DCDC1: variants seen among roughly 807,000 people sequenced by gnomAD.
The protein encoded by DCDC1 is doublecortin domain-containing protein 1.
In DCDC1, 200 loss-of-function variants were observed where a neutral mutation model predicts 178.3. The ratio of observed to expected loss-of-function variants is 1.12; its 90% confidence interval spans 1.00 to 1.26. The LOEUF (loss-of-function observed/expected upper bound fraction) is 1.26, where lower values mean the gene tolerates loss of function less well. DCDC1 is among the 50% of genes most tolerant of loss of function. The pLI, the probability that DCDC1 is intolerant of heterozygous loss-of-function variation, is 0.00. For missense variants in DCDC1, 1,983 were observed against 1,749.2 expected, an observed-to-expected ratio of 1.13 and a Z score of -2.38; for synonymous variants, 690 against 604.8, an observed-to-expected ratio of 1.14 and a Z score of -2.07.
Position 31,048,375 on chromosome 11 carries a change from T to C in DCDC1, c.2591+16094A>G, listed in dbSNP as rs78291420. ...TGGGAGTTAAAGATTTAAATCCTGA[T>C]ACGAAATTCACCAAATTAAAATCTA... On this transcript the variant is annotated intron_variant, in intron 20 of 38. Transcript: ENST00000684477. Among the ~76,000 whole-genome samples, 1,413 of 152,310 alleles carry C rather than the reference T, an allele frequency of 9.3e-3. 12 individuals carry two copies. The highest frequency in any genetic ancestry group is 0.012 in the Non-Finnish European group (794 of 68,036).
intron 1 of DCDC1, among the ~76,000 whole-genome samples, chr11:31,365,923 C>T (rs1293274572): frequency 6.6e-6 from 1 of 152,124 alleles, no homozygotes; most frequent in Admixed American, 6.6e-5. Flanking sequence ...CTGTCATTTG[C>T]TCTCTTTGGA....
At chr11:30,988,394 A>G (rs566444915) in intron 20 of DCDC1, among the ~76,000 whole-genome samples, 16 of 152,088 alleles carry the variant, frequency 1.1e-4, no homozygotes, top group African/African-American at 3.1e-4. Context: ...GAAAAGAGGG[A>G]AAATTCCCAG....
intron 3 of DCDC1, among the ~76,000 whole-genome samples, chr11:31,309,824 C>G (rs1273765434): frequency 1.8e-4 from 28 of 152,072 alleles, no homozygotes. Context: ...CATGTTATAT[C>G]CTCAATTCTA....
chr11:31,071,401 T>C (rs1565246577), intron 18 of DCDC1, among the ~76,000 whole-genome samples: 1 of 152,150 alleles, frequency 6.6e-6, no homozygotes, highest in South Asian at 2.1e-4. Flanking sequence ...TTGCTGTAAG[T>C]GAAATTTCTG....
chr11:30,883,434 A>C (rs777850329), intron 36 of DCDC1: 4 of 451,160 alleles, frequency 8.9e-6, no homozygotes, highest in Non-Finnish European at 4.5e-6. Flanking sequence ...TCTAGAATAC[A>C]TTAACCTTAA....
chr11:31,168,166 C>A (rs1283370012), intron 9 of DCDC1, among the ~76,000 whole-genome samples: 1 of 152,134 alleles, frequency 6.6e-6, no homozygotes, highest in Non-Finnish European at 1.5e-5. Flanking sequence ...ATTTGATGTA[C>A]CCACTCTCTA....
At chr11:30,893,022 TTG>T in intron 35 of DCDC1, 25 bp from the exon 36 acceptor site, 1 of 1,612,080 alleles carries the variant, frequency 6.2e-7, no homozygotes, top group Non-Finnish European at 8.5e-7. Flanking sequence ...CCAGAGAATG[TTG>T]TGTTTAGAGA....
Position 30,903,610 on chromosome 11 carries a change from G to C in DCDC1, c.4382C>G (p.Pro1461Arg), listed in dbSNP as rs766822922. The change falls in exon 32 of 39, where the codon CCA becomes CGA. Residue 1461 changes from proline to arginine, a missense_variant. By Grantham distance (103) the Pro-to-Arg change is moderately radical. Coordinates refer to ENST00000684477, the MANE Select transcript of DCDC1 (RefSeq NM_001387274.1). ...AACCAAATCACGCAAGGTAAAGATT[G>C]GGGTTCCATCTTTGGTATATACTTT... is the stretch of plus-strand genomic sequence containing the variant. ...ASKVYTKDGT[P>R]IFTLRDLVLW... The C allele has an allele frequency of 6.2e-7, 1 of 1,611,278 alleles. No individual in the cohort carries two copies. Among genetic ancestry groups the C allele is most frequent in the South Asian group, 1.1e-5 (1 of 90,332 alleles).
chr11:31,208,149 A>G (rs1972084568), intron 9 of DCDC1, among the ~76,000 whole-genome samples: 1 of 152,178 alleles, frequency 6.6e-6, no homozygotes, highest in African/African-American at 2.4e-5. Flanking sequence ...TAATAGTTAT[A>G]TATTAAACTT....
intron 9 of DCDC1, among the ~76,000 whole-genome samples, chr11:31,182,576 A>G (rs1968948783): frequency 1.3e-5 from 2 of 152,146 alleles, no homozygotes; most frequent in African/African-American, 4.8e-5. Flanking sequence ...CTCCTGAAGG[A>G]AGCACTAAAT....
chr11:30,916,997 T>C lies in DCDC1; in HGVS notation c.3325A>G (p.Lys1109Glu), dbSNP rs1160451913. 1 of 1,608,942 alleles carries C rather than the reference T, an allele frequency of 6.2e-7. No individual in the cohort carries two copies. Among genetic ancestry groups the C allele is most frequent in the Non-Finnish European group, 8.5e-7 (1 of 1,177,812 alleles). ...TACCTGGGAAGTGTGTGACAAGCCT[T>C]CATTCGAAGATGAGCTCTTACGTGT... ...DSHVRAHLRMKACHTLPRYAW... is the reference protein window; with the variant it reads ...DSHVRAHLRMEACHTLPRYAW... Residue 1109 changes from lysine to glutamate, a missense_variant, in exon 26 of 39, where the codon AAG (lysine) becomes GAG (glutamate). Transcript: ENST00000684477.
chr11:30,867,720 G>C (rs1480368230), intron 38 of DCDC1, among the ~76,000 whole-genome samples: 5 of 152,102 alleles, frequency 3.3e-5, no homozygotes, highest in African/African-American at 1.2e-4. Context: ...AGGTGAAGGT[G>C]ACCCCATATG....
rs1424180221 is a variant in DCDC1 at position 31,369,717 on chromosome 11, T to C, written c.-145A>G. On this transcript the variant is annotated 5_prime_UTR_variant, in exon 1 of 39. An upstream start codon of the reference 5' UTR is lost. Coordinates refer to ENST00000684477, the MANE Select transcript of DCDC1 (RefSeq NM_001387274.1). ...CTTACTGGTAGTAAACGCCACTCCA[T>C]AGAAGCGGTGACCGGTTACCATAGA... The C allele has an allele frequency of 2.0e-5, 3 of 152,646 alleles. No homozygotes were observed. Among genetic ancestry groups the C allele is most frequent in the East Asian group, 1.9e-4 (1 of 5,188 alleles). 9.5% of individuals were successfully genotyped at this position (152,646 alleles called of 1,614,324 possible).
intron 35 of DCDC1, among the ~76,000 whole-genome samples, chr11:30,893,989 C>T (rs771035254): frequency 2.0e-5 from 3 of 152,138 alleles, no homozygotes; most frequent in Non-Finnish European, 4.4e-5. Context: ...TGTACATATC[C>T]GCTGGGCCTT....
At chr11:31,339,727 C>A (rs562998322) in intron 1 of DCDC1, among the ~76,000 whole-genome samples, 1 of 152,310 alleles carries the variant, frequency 6.6e-6, no homozygotes, top group African/African-American at 2.4e-5. Context: ...TTGTTCACAG[C>A]AGCAACATTG....
At chr11:31,194,321 T>G (rs991404167) in intron 9 of DCDC1, among the ~76,000 whole-genome samples, 1 of 152,064 alleles carries the variant, frequency 6.6e-6, no homozygotes, top group East Asian at 1.9e-4. Flanking sequence ...TACCAAAATT[T>G]CTGATGATAT....
At chr11:31,187,971 T>C (rs1386836362) in intron 9 of DCDC1, among the ~76,000 whole-genome samples, 1 of 152,216 alleles carries the variant, frequency 6.6e-6, no homozygotes, top group Non-Finnish European at 1.5e-5. Context: ...AGCAATTGCA[T>C]TTATAACACC....
intron 7 of DCDC1, among the ~76,000 whole-genome samples, chr11:31,272,409 C>T (rs1475310137): frequency 6.6e-6 from 1 of 152,186 alleles, no homozygotes; most frequent in African/African-American, 2.4e-5. Flanking sequence ...GACAGTCCCT[C>T]AAAGTCTTAA....
At chr11:30,887,825 C>G (rs1044667830) in intron 36 of DCDC1, among the ~76,000 whole-genome samples, 2 of 151,876 alleles carry the variant, frequency 1.3e-5, no homozygotes, top group Non-Finnish European at 2.9e-5. Flanking sequence ...ACCTGACCAA[C>G]ATGGTGAAAC....
Sources: gnomAD v4.1 joint callset for allele counts (sites outside exome capture counted in the v4.1 genomes callset) on GRCh38, gnomAD v4.1.1 for gene constraint, MANE v1.5 for transcripts, NCBI Gene and HGNC (gene_info 2026-07-23, HGNC 2026-07-21) for gene names.